Variants in TEC observed in about 807,000 individuals in gnomAD.
TEC encodes tyrosine-protein kinase Tec.
In TEC, 72 loss-of-function variants were observed where a neutral mutation model predicts 93.0. The ratio of observed to expected loss-of-function variants is 0.77; its 90% CI spans 0.64 to 0.94. TEC has a LOEUF of 0.94. Among genes scored for constraint, TEC ranks in the 40% least tolerant of loss-of-function variants. The pLI, the probability that TEC is intolerant of heterozygous loss-of-function variation, is 0.00. For missense variants in TEC, 630 were observed against 757.9 expected (o/e 0.83, Z 1.98); for synonymous variants, 249 against 247.7 (o/e 1.01, Z -0.05).
intron 1 of TEC, among the ~76,000 whole-genome samples, chr4:48,264,499 G>C (rs1279777417): frequency 6.6e-6 from 1 of 152,096 alleles, no homozygotes; most frequent in African/African-American, 2.4e-5. Context: ...GTCAATCTCT[G>C]GGGAAAAGAA....
intron 2 of TEC, 93 bp downstream of exon 2, chr4:48,228,384 C>G (rs1222663540): frequency 1.5e-6 from 2 of 1,356,704 alleles, no homozygotes; most frequent in Non-Finnish European, 1.9e-6. Flanking sequence ...TTCATTAACC[C>G]AAAGCATTTT....
chr4:48,212,885 C>T (rs1722958283), intron 2 of TEC, among the ~76,000 whole-genome samples: 1 of 152,202 alleles, frequency 6.6e-6, no homozygotes, highest in Admixed American at 6.5e-5. Flanking sequence ...AGGCCAGAAC[C>T]ATTCATCTTT....
At chr4:48,150,980 A>G in intron 9 of TEC, 38 bp from the exon 10 acceptor site, 2 of 1,337,508 alleles carry the variant, frequency 1.5e-6, no homozygotes, top group Non-Finnish European at 2.1e-6. Flanking sequence ...TTTTACTCTA[A>G]TTACTAATAG....
intron 17 of TEC, 82 bp from the exon 18 acceptor site, chr4:48,137,581 G>T: frequency 8.9e-7 from 1 of 1,126,348 alleles, no homozygotes; most frequent in Non-Finnish European, 1.3e-6. Context: ...CCTAAACACA[G>T]CATATTACAG....
chr4:48,224,633 A>T (rs1302432662), intron 2 of TEC, among the ~76,000 whole-genome samples: 1 of 152,220 alleles, frequency 6.6e-6, no homozygotes, highest in African/African-American at 2.4e-5. Context: ...AATACACATG[A>T]ATTAACTAAC....
intron 2 of TEC, among the ~76,000 whole-genome samples, chr4:48,212,110 A>AAAAAAAAAAAAAAATATATATATAT: frequency 8.2e-6 from 1 of 122,250 alleles, no homozygotes; most frequent in African/African-American, 3.0e-5. Context: ...AAAAAAAAAA[A>AAAAAAAAAAAAAAATATATATATAT]ATATATATAT....
At position 48,192,710 on chromosome 4, in the gene TEC, G is replaced by A. The variant is rs550115810; in HGVS notation, c.139-16524C>T. 1.2e-4 allele frequency among the ~76,000 whole-genome samples: 18 copies of A among 152,344 alleles called. No individual in the cohort carries two copies. In the South Asian group the frequency reaches 3.3e-3, roughly 28 times the overall value. On this transcript the variant is annotated intron_variant, in intron 2 of 17. Coordinates refer to ENST00000381501, the MANE Select transcript of TEC (RefSeq NM_003215.3). ...AACTCTGGTTTATAATGGGCCAGAA[G>A]TAGGTAATTGATCAGCTCTCATTTA...
chr4:48,250,207 A>G (rs1355218), intron 1 of TEC, among the ~76,000 whole-genome samples: 12 of 152,188 alleles, frequency 7.9e-5, no homozygotes, highest in Middle Eastern at 3.4e-3. Context: ...ATGGCCTCAT[A>G]ATCTCCCCAG....
intron 7 of TEC, among the ~76,000 whole-genome samples, chr4:48,165,077 T>C (rs1379402427): frequency 1.3e-5 from 2 of 151,810 alleles, no homozygotes; most frequent in East Asian, 1.9e-4. Flanking sequence ...GAAAAATAAA[T>C]ACAAGATAAC....
At chr4:48,148,492 C>T (rs1404704083) in intron 11 of TEC, among the ~76,000 whole-genome samples, 1 of 152,012 alleles carries the variant, frequency 6.6e-6, no homozygotes, top group Non-Finnish European at 1.5e-5. Flanking sequence ...CAGTTTGTTC[C>T]CACTCTGGTG....
At chr4:48,178,185 A>ATATCT (rs1721411513) in intron 2 of TEC, among the ~76,000 whole-genome samples, 1 of 142,808 alleles carries the variant, frequency 7.0e-6, no homozygotes, top group African/African-American at 2.5e-5. Flanking sequence ...GCCCTTGTGT[A>ATATCT]GTGAAGAGAA....
At chr4:48,173,640 T>C (rs1043730878) in intron 3 of TEC, among the ~76,000 whole-genome samples, 7 of 152,218 alleles carry the variant, frequency 4.6e-5, no homozygotes, top group Admixed American at 3.3e-4. Flanking sequence ...GAGGGAATAC[T>C]CTCCCTCAGT....
intron 2 of TEC, among the ~76,000 whole-genome samples, chr4:48,176,387 T>A (rs576779120): frequency 6.6e-6 from 1 of 150,520 alleles, no homozygotes; most frequent in African/African-American, 2.4e-5. Context: ...AATCCTTTAA[T>A]TTATCAAGAT....
At chr4:48,246,583 A>G (rs1724063821) in intron 1 of TEC, among the ~76,000 whole-genome samples, 1 of 152,350 alleles carries the variant, frequency 6.6e-6, no homozygotes, top group South Asian at 2.1e-4. Context: ...TAGATCAACA[A>G]TACAGAATTA....
chr4:48,169,099 T>C (rs3792620), intron 5 of TEC, among the ~76,000 whole-genome samples: 14 of 151,998 alleles, frequency 9.2e-5, no homozygotes, highest in African/African-American at 3.4e-4. Context: ...TGTGTACAAA[T>C]GGGGTGTGCC....
At chr4:48,249,034 T>C (rs750772594) in intron 1 of TEC, among the ~76,000 whole-genome samples, 5 of 152,280 alleles carry the variant, frequency 3.3e-5, no homozygotes, top group Non-Finnish European at 7.4e-5. Flanking sequence ...GAATGCTTCA[T>C]AGAATAATAA....
At chr4:48,266,082 T>C (rs1037988251) in intron 1 of TEC, among the ~76,000 whole-genome samples, 53 of 152,300 alleles carry the variant, frequency 3.5e-4, no homozygotes, top group African/African-American at 1.2e-3. Flanking sequence ...AATAGAACAA[T>C]GCCTTCAAAA....
chr4:48,262,246 G>T (rs539656630), intron 1 of TEC, among the ~76,000 whole-genome samples: 257 of 119,562 alleles, frequency 2.1e-3, no homozygotes, highest in Admixed American at 6.9e-3. Context: ...GCCCAGGCTG[G>T]AGTGCAGTGG....
rs577816312 is a variant in TEC, at chr4:48,225,473, G to A, written c.138+3004C>T. ...ATTACAGGCATGAGCCACCACGACC[G>A]GCCCTCACATTCTTTTCCGAATCAC... On this transcript the variant is annotated intron_variant, in intron 2 of 17. Transcript: ENST00000381501. Among the ~76,000 whole-genome samples the A allele has an allele frequency of 7.9e-5, 12 of 152,238 alleles. No individual in the cohort carries two copies. In the East Asian group the frequency reaches 1.2e-3, roughly 15 times the overall value.
Sources: allele counts gnomAD v4.1 joint callset (sites outside exome capture counted in the v4.1 genomes callset), GRCh38; gene constraint gnomAD v4.1.1; transcripts MANE v1.5; gene names NCBI Gene and HGNC (gene_info 2026-07-23, HGNC 2026-07-21).